Variants in MCF2L observed in about 807,000 individuals in gnomAD.
The protein encoded by MCF2L is guanine nucleotide exchange factor DBS.
In MCF2L, 97 loss-of-function variants were observed where a neutral mutation model predicts 153.4. The observed-to-expected ratio is 0.63, with a 90% CI of 0.54 to 0.75. The LOEUF is 0.75. Among genes scored for constraint, MCF2L ranks in the 30% least tolerant of loss-of-function variants. The probability of loss-of-function intolerance (pLI) is 0.00; values close to 1 mark genes in which losing one functional copy is unlikely to be tolerated. For synonymous variants in MCF2L, 659 were observed against 632.2 expected (o/e 1.04, Z -0.64); for missense variants, 1,347 against 1,495.2 (o/e 0.90, Z 1.64).
At chr13:112,898,891 C>T (rs767581616) in intron 1 of MCF2L, among the ~76,000 whole-genome samples, 2 of 152,200 alleles carry the variant, frequency 1.3e-5, no homozygotes, top group African/African-American at 2.4e-5. Flanking sequence ...CCTGACTTCT[C>T]GCCACCTGCT....
intron 1 of MCF2L, among the ~76,000 whole-genome samples, chr13:112,978,014 C>T (rs1403657740): frequency 2.0e-5 from 3 of 152,180 alleles, no homozygotes; most frequent in African/African-American, 7.2e-5. Context: ...GTGGAGGTTG[C>T]AGTGAGCTGG....
intron 27 of MCF2L, chr13:113,095,416 G>C: frequency 9.2e-7 from 1 of 1,090,606 alleles, no homozygotes; most frequent in African/African-American, 1.7e-5. Flanking sequence ...GGGGGACACA[G>C]AGGCGGAGGC....
intron 1 of MCF2L, chr13:112,985,311 G>A (rs1387703568): frequency 2.3e-6 from 1 of 442,160 alleles, no homozygotes; most frequent in Non-Finnish European, 4.7e-6. Context: ...AGCATAGAAA[G>A]GTCCTGTTAC....
At chr13:113,006,498 TC>T (rs1206194000) in intron 1 of MCF2L, among the ~76,000 whole-genome samples, 1 of 152,132 alleles carries the variant, frequency 6.6e-6, no homozygotes, top group African/African-American at 2.4e-5. Context: ...ATGCCCTTTC[TC>T]CCTGGACCCC....
chr13:113,078,814 C>T (rs577264258), intron 15 of MCF2L, 75 bp downstream of exon 15: 2 of 1,256,524 alleles, frequency 1.6e-6, no homozygotes, highest in Middle Eastern at 1.9e-4. Context: ...GTCAGGCACT[C>T]GAGCAGATGC....
At chr13:112,903,073 GT>G (rs2081135317) in intron 2 of MCF2L, among the ~76,000 whole-genome samples, 1 of 152,220 alleles carries the variant, frequency 6.6e-6, no homozygotes, top group African/African-American at 2.4e-5. Flanking sequence ...TCCAAAATTT[GT>G]CACTAGACAA....
intron 26 of MCF2L, chr13:113,091,069 G>A (rs569987856): frequency 7.2e-5 from 94 of 1,303,838 alleles, no homozygotes; most frequent in African/African-American, 4.9e-4. Flanking sequence ...GCCTCCCTCC[G>A]TCCTTCACAC....
chr13:113,010,560 G>C (rs1270962526), intron 1 of MCF2L, among the ~76,000 whole-genome samples: 1 of 152,210 alleles, frequency 6.6e-6, no homozygotes, highest in African/African-American at 2.4e-5. Flanking sequence ...GGCCCTCCCA[G>C]GTGGGGCTGC....
intron 1 of MCF2L, among the ~76,000 whole-genome samples, chr13:112,981,285 T>C (rs2082416365): frequency 6.6e-6 from 1 of 152,136 alleles, no homozygotes; most frequent in Admixed American, 6.5e-5. Context: ...CCCTGTTCCT[T>C]GTGGGAGCAG....
At chr13:112,974,550 A>G (rs913161218) in intron 1 of MCF2L, among the ~76,000 whole-genome samples, 2 of 152,184 alleles carry the variant, frequency 1.3e-5, no homozygotes, top group Admixed American at 6.5e-5. Context: ...GGGGAAAATC[A>G]CATTTGTTGA....
intron 1 of MCF2L, among the ~76,000 whole-genome samples, chr13:113,005,315 G>A (rs533986963): frequency 2.0e-5 from 3 of 152,344 alleles, no homozygotes; most frequent in South Asian, 2.1e-4. Context: ...CAGAGACGCC[G>A]ACAAGCACGG....
intron 1 of MCF2L, chr13:113,001,593 A>C: frequency 1.2e-6 from 1 of 858,630 alleles, no homozygotes; most frequent in Non-Finnish European, 1.5e-6. Flanking sequence ...CCCTGCAGGG[A>C]GGGTCTAGAC....
At chr13:113,065,183 C>T in intron 7 of MCF2L, 98 bp downstream of exon 7, 1 of 1,464,740 alleles carries the variant, frequency 6.8e-7, no homozygotes, top group East Asian at 2.3e-5. Flanking sequence ...TCTTTCGTCC[C>T]AGCGGGAGTT....
At chr13:113,096,721 G>C (rs1390578764) in intron 29 of MCF2L, 53 bp from the exon 30 acceptor site, 6 of 1,554,940 alleles carry the variant, frequency 3.9e-6, no homozygotes, top group Non-Finnish European at 4.3e-6. Flanking sequence ...GCTGCCCCGT[G>C]TGTGCCCGGC....
chr13:112,992,068 C>T (rs2082916490), intron 1 of MCF2L, among the ~76,000 whole-genome samples: 1 of 152,168 alleles, frequency 6.6e-6, no homozygotes, highest in Non-Finnish European at 1.5e-5. Context: ...GTGGAAAATC[C>T]ACACCTGACC....
chr13:112,973,114 G>T (rs1463151894), intron 1 of MCF2L, among the ~76,000 whole-genome samples: 2 of 152,062 alleles, frequency 1.3e-5, no homozygotes, highest in African/African-American at 4.8e-5. Flanking sequence ...CAGTGGAGTA[G>T]GTGCGGCTCC....
intron 1 of MCF2L, among the ~76,000 whole-genome samples, chr13:113,014,248 G>A (rs1184247925): frequency 1.3e-5 from 2 of 152,228 alleles, no homozygotes; most frequent in African/African-American, 4.8e-5. Context: ...GTCTAATGGC[G>A]AGGCCAGGGT....
chr13:113,039,665 GC>G (rs1229177209), intron 3 of MCF2L, among the ~76,000 whole-genome samples: 1 of 142,522 alleles, frequency 7.0e-6, no homozygotes, highest in Non-Finnish European at 1.6e-5. Context: ...ATGTGAACAG[GC>G]ATATCATAAA....
intron 1 of MCF2L, among the ~76,000 whole-genome samples, chr13:112,986,665 G>A (rs2082654831): frequency 6.6e-6 from 1 of 152,216 alleles, no homozygotes; most frequent in Non-Finnish European, 1.5e-5. Context: ...GACCCCCTGA[G>A]GGAGGGAAGC....
Sources: gnomAD v4.1 joint callset for allele counts (sites outside exome capture counted in the v4.1 genomes callset) on GRCh38, gnomAD v4.1.1 for gene constraint, MANE v1.5 for transcripts, NCBI Gene and HGNC (gene_info 2026-07-23, HGNC 2026-07-21) for gene names.